Variants in TXLNA observed in about 807,000 individuals in gnomAD.
TXLNA encodes the protein alpha-taxilin.
Under a neutral mutation model 61.4 loss-of-function variants are expected in TXLNA, and 9 were observed. The observed-to-expected ratio is 0.15, with a 90% CI of 0.09 to 0.26. TXLNA has a LOEUF of 0.26. Ranked by LOEUF, TXLNA falls within the 10% of genes least tolerant of loss-of-function variation. The pLI is 1.00. For synonymous variants in TXLNA, 257 were observed against 267.7 expected, an observed-to-expected ratio of 0.96 and a Z score of 0.39; for missense variants, 565 against 688.8, an observed-to-expected ratio of 0.82 and a Z score of 2.01.
chr1:32,180,190 C>T (rs1642622162), intron 1 of TXLNA, 124 bp from the exon 2 acceptor site: 1 of 1,066,756 alleles, frequency 9.4e-7, no homozygotes, highest in Non-Finnish European at 1.3e-6. Flanking sequence ...CCGTTGGCGC[C>T]CTCCGCCCGG....
At chr1:32,186,990 A>G (rs901672055) in intron 4 of TXLNA, among the ~76,000 whole-genome samples, 2 of 152,212 alleles carry the variant, frequency 1.3e-5, no homozygotes, top group Non-Finnish European at 2.9e-5. Context: ...TCCTGCTTCC[A>G]GGTTCAAACG....
intron 6 of TXLNA, among the ~76,000 whole-genome samples, chr1:32,191,686 T>C (rs61781201): frequency 6.6e-6 from 1 of 152,180 alleles, no homozygotes; most frequent in Admixed American, 6.5e-5. Flanking sequence ...CAAACTGGAC[T>C]TACCTGCTAG....
chr1:32,180,230 T>G, intron 1 of TXLNA, 84 bp from the exon 2 acceptor site: 1 of 1,361,886 alleles, frequency 7.3e-7, no homozygotes, highest in South Asian at 1.6e-5. Flanking sequence ...TTAAGAAGCT[T>G]TGTGCGCCTG....
rs1048331914 is a variant in TXLNA, at chr1:32,196,991, G to A, written c.*1796G>A. 6.6e-6 allele frequency: 1 copy of A among 152,274 alleles called. No homozygotes were observed. Among genetic ancestry groups the A allele is most frequent in the Non-Finnish European group, 1.5e-5 (1 of 68,072 alleles). The allele number at this position is 152,274 out of a possible 1,614,324, so 9.4% of individuals were successfully genotyped here. On this transcript the variant is annotated 3_prime_UTR_variant, in exon 11 of 11. Transcript: ENST00000373610. Reference sequence around the variant, plus strand: ...GGTGCCCTCAAGCAGCTGTGTGAGTGTTGAGATCTCTGCCATCTCTGGCTG... The same window carrying A: ...GGTGCCCTCAAGCAGCTGTGTGAGTATTGAGATCTCTGCCATCTCTGGCTG...
chr1:32,190,026 A>G (rs1642869996), intron 5 of TXLNA, 29 bp from the exon 6 acceptor site: 1 of 1,534,030 alleles, frequency 6.5e-7, no homozygotes, highest in African/African-American at 1.4e-5. Context: ...GCAGTGGATG[A>G]TGGCTCTCGG....
intron 5 of TXLNA, among the ~76,000 whole-genome samples, chr1:32,188,742 A>G: frequency 6.6e-6 from 1 of 152,166 alleles, no homozygotes; most frequent in Non-Finnish European, 1.5e-5. Flanking sequence ...CATGTATTAG[A>G]TAAGGTGAAG....
intron 9 of TXLNA, 66 bp downstream of exon 9, chr1:32,193,366 C>A: frequency 7.8e-7 from 1 of 1,287,128 alleles, no homozygotes; most frequent in Non-Finnish European, 1.1e-6. Context: ...ATTGTTGGGC[C>A]TGCCTTCAGG....
chr1:32,187,136 A>G (rs1326778594), intron 4 of TXLNA, among the ~76,000 whole-genome samples: 1 of 152,054 alleles, frequency 6.6e-6, no homozygotes, highest in Non-Finnish European at 1.5e-5. Flanking sequence ...TCCTGACCTC[A>G]AGTGATCTGC....
At chr1:32,188,193 G>GCTTT in intron 5 of TXLNA, 69 bp downstream of exon 5, 1 of 1,471,422 alleles carries the variant, frequency 6.8e-7, no homozygotes, top group Non-Finnish European at 9.1e-7. Context: ...TCTTTCATGG[G>GCTTT]CTTTCCTCTT....
In TXLNA at chr1:32,190,391, A is replaced by G. The variant is rs904172355; in HGVS notation, c.963+142A>G. The G allele has an allele frequency of 1.9e-5, 16 of 837,202 alleles. No individual in the cohort carries two copies. In the African/African-American group the frequency reaches 2.8e-4, roughly 14 times the overall value. 51.9% of individuals were successfully genotyped at this position (837,202 alleles called of 1,614,324 possible). ...TCCTCCTTGGGAGGAGAGTAATGTT[A>G]TTCCTCATAGATAAAAAACAGGTGT... On this transcript the variant is annotated intron_variant, in intron 6 of 10. Coordinates refer to ENST00000373610, the MANE Select transcript of TXLNA (RefSeq NM_175852.4).
Position 32,187,073 on chromosome 1 carries a change from A to AT in TXLNA, c.598-871dup, listed in dbSNP as rs887484726. Among the ~76,000 whole-genome samples, 1,055 of 148,220 alleles carry AT rather than the reference A, an allele frequency of 7.1e-3. 13 individuals are homozygous for AT. Among genetic ancestry groups the AT allele is most frequent in the African/African-American group, 0.024 (982 of 40,434 alleles). ...GCCACCAAACTGGCTACTTTTTTGT[A>AT]TTTTTTTTTTAGTAGAAACGGTTTC... On this transcript the variant is annotated intron_variant, in intron 4 of 10. Transcript: ENST00000373610.
intron 6 of TXLNA, among the ~76,000 whole-genome samples, chr1:32,191,371 A>G (rs1213240796): frequency 2.0e-5 from 3 of 152,032 alleles, no homozygotes; most frequent in Admixed American, 6.6e-5. Context: ...TGTGTGCAGG[A>G]CCTAGAGGGC....
intron 2 of TXLNA, 121 bp from the exon 3 acceptor site, chr1:32,181,121 T>TA (rs557972962): frequency 0.05 from 30,788 of 614,346 alleles, 88 homozygotes; most frequent in Non-Finnish European, 0.056. Context: ...TCAGTTTCCA[T>TA]AAAAAAAAAA....
Position 32,195,954 on chromosome 1 carries a change from TG to T in TXLNA, c.*760del, listed in dbSNP as rs1643012108. The T allele has an allele frequency of 4.2e-5, 8 of 191,258 alleles. No homozygotes were observed. In the South Asian group the frequency reaches 4.7e-4, roughly 11 times the overall value. 11.8% of individuals were successfully genotyped at this position (191,258 alleles called of 1,614,324 possible). ...TCACCCAAAGGATTATTTCTGAAGG[TG>T]TTTTTTTCTTTATTTCTTTTTCTTT... On this transcript the variant is annotated 3_prime_UTR_variant, in exon 11 of 11. Coordinates refer to ENST00000373610, the MANE Select transcript of TXLNA (RefSeq NM_175852.4).
At chr1:32,181,130 AAGTT>A (rs1338907612) in intron 2 of TXLNA, 108 bp from the exon 3 acceptor site, 23 of 886,828 alleles carry the variant, frequency 2.6e-5, no homozygotes, top group Middle Eastern at 3.7e-4. Flanking sequence ...ATAAAAAAAA[AAGTT>A]AGGCAACATT....
chr1:32,189,756 T>G (rs1307502865), intron 5 of TXLNA, among the ~76,000 whole-genome samples: 1 of 152,118 alleles, frequency 6.6e-6, no homozygotes, highest in East Asian at 1.9e-4. Context: ...TTGGCCAGGC[T>G]GGTCTCAAAC....
rs1024982515 is a variant in TXLNA at position 32,193,360 on chromosome 1, T to C, written c.1251+60T>C. On this transcript the variant is annotated intron_variant, in intron 9 of 10. Transcript: ENST00000373610. ...GCATAAGCTGCTTCATTCAAAATTG[T>C]TGGGCCTGCCTTCAGGAAGCTCCCA... 6.7e-6 allele frequency: 9 copies of C among 1,353,280 alleles called. No individual in the cohort carries two copies. In the African/African-American group the frequency reaches 7.2e-5, roughly 11 times the overall value. 83.8% of individuals were successfully genotyped at this position (1,353,280 alleles called of 1,614,324 possible).
At chr1:32,179,844 T>C (rs1367223866) in intron 1 of TXLNA, 68 bp downstream of exon 1, 1 of 152,130 alleles carries the variant, frequency 6.6e-6, no homozygotes, top group Non-Finnish European at 1.5e-5. Flanking sequence ...TCTCGGCCTG[T>C]GGGGAAATCA....
At position 32,184,620 on chromosome 1, in the gene TXLNA, A is replaced by G; in HGVS notation, c.597+4A>G. 1.3e-6 allele frequency: 2 copies of G among 1,592,202 alleles called. No homozygotes were observed. Among genetic ancestry groups the G allele is most frequent in the Non-Finnish European group, 1.7e-6 (2 of 1,162,952 alleles). ...GTGCAAGAAGTATGCTGAACTGGTC[A>G]GTTCCCCCCTCCGCGGGCACCTTCC... On this transcript the variant is annotated splice_donor_region_variant and intron_variant, in intron 4 of 10. Transcript: ENST00000373610.
Sources: gnomAD v4.1 joint callset for allele counts (sites outside exome capture counted in the v4.1 genomes callset) on GRCh38, gnomAD v4.1.1 for gene constraint, MANE v1.5 for transcripts, NCBI Gene and HGNC (gene_info 2026-07-23, HGNC 2026-07-21) for gene names.